Variants in SDK1 observed in about 807,000 individuals in gnomAD.
SDK1 encodes the protein sidekick cell adhesion molecule 1.
In SDK1, 157 loss-of-function variants were observed where a neutral mutation model predicts 245.5. The observed-to-expected ratio is 0.64, with a 90% CI of 0.56 to 0.73. SDK1 has a LOEUF of 0.73. Ranked by LOEUF, SDK1 falls within the 30% of genes least tolerant of loss-of-function variation. SDK1 has a pLI of 0.00. For synonymous variants in SDK1, 1,647 were observed against 1,278.5 expected, an observed-to-expected ratio of 1.29 and a Z score of -6.15; for missense variants, 3,583 against 3,002.3, an observed-to-expected ratio of 1.19 and a Z score of -4.52.
chr7:3,786,638 C>G (rs534286612), intron 4 of SDK1, among the ~76,000 whole-genome samples: 1 of 152,226 alleles, frequency 6.6e-6, no homozygotes, highest in South Asian at 2.1e-4. Context: ...ACAGTACAGC[C>G]TATTTGCCTT....
At chr7:4,221,190 A>T in intron 39 of SDK1, 49 bp from the exon 40 acceptor site, 1 of 1,604,598 alleles carries the variant, frequency 6.2e-7, no homozygotes, top group Non-Finnish European at 8.5e-7. Flanking sequence ...GTGGGATGTG[A>T]GCCCCGCAGG....
intron 5 of SDK1, among the ~76,000 whole-genome samples, chr7:3,880,674 T>C (rs1781187228): frequency 6.6e-6 from 1 of 151,436 alleles, no homozygotes; most frequent in South Asian, 2.1e-4. Context: ...CCGCTCTTAC[T>C]TGGTTTTCCC....
intron 1 of SDK1, among the ~76,000 whole-genome samples, chr7:3,470,321 C>T (rs1781140764): frequency 6.6e-6 from 1 of 152,158 alleles, no homozygotes; most frequent in Non-Finnish European, 1.5e-5. Flanking sequence ...GGATCTGATA[C>T]ACTGTGTGCC....
intron 4 of SDK1, among the ~76,000 whole-genome samples, chr7:3,794,430 G>T (rs1778912313): frequency 6.6e-6 from 1 of 152,182 alleles, no homozygotes; most frequent in African/African-American, 2.4e-5. Flanking sequence ...CTCTGAATCT[G>T]ATGTGGAAAC....
At chr7:3,550,542 C>T (rs550281035) in intron 1 of SDK1, among the ~76,000 whole-genome samples, 10 of 152,114 alleles carry the variant, frequency 6.6e-5, no homozygotes, top group Non-Finnish European at 1.2e-4. Context: ...CAGTGTGTGC[C>T]GTGGAATACT....
chr7:4,061,700 C>T (rs547152007), intron 19 of SDK1, among the ~76,000 whole-genome samples: 1 of 152,054 alleles, frequency 6.6e-6, no homozygotes, highest in African/African-American at 2.4e-5. Context: ...TATTGCTGCA[C>T]TATTCACAAT....
intron 1 of SDK1, among the ~76,000 whole-genome samples, chr7:3,465,570 A>C (rs1780973067): frequency 6.6e-6 from 1 of 152,086 alleles, no homozygotes; most frequent in Non-Finnish European, 1.5e-5. Context: ...CTAGGTTCAT[A>C]TACTGTTGGG....
chr7:4,230,929 C>T (rs1354861757), intron 40 of SDK1, among the ~76,000 whole-genome samples: 1 of 152,142 alleles, frequency 6.6e-6, no homozygotes, highest in African/African-American at 2.4e-5. Context: ...ACAGCAATCT[C>T]ATCTGATTCC....
intron 1 of SDK1, among the ~76,000 whole-genome samples, chr7:3,363,276 C>G (rs1781001458): frequency 6.6e-6 from 1 of 152,076 alleles, no homozygotes; most frequent in African/African-American, 2.4e-5. Flanking sequence ...GACGATTCAT[C>G]TAGATTGTTT....
intron 4 of SDK1, among the ~76,000 whole-genome samples, chr7:3,680,417 C>T (rs777351358): frequency 4.6e-5 from 7 of 152,048 alleles, no homozygotes; most frequent in African/African-American, 9.7e-5. Flanking sequence ...TGTATAAATG[C>T]GCACGTGATA....
intron 4 of SDK1, among the ~76,000 whole-genome samples, chr7:3,693,428 T>A (rs1054934397): frequency 2.6e-5 from 4 of 152,216 alleles, no homozygotes; most frequent in Non-Finnish European, 4.4e-5. Context: ...TTGATTCGAA[T>A]TACATTAAAA....
chr7:3,493,173 G>T (rs921190237), intron 1 of SDK1, among the ~76,000 whole-genome samples: 1 of 152,036 alleles, frequency 6.6e-6, no homozygotes, highest in Non-Finnish European at 1.5e-5. Flanking sequence ...GGATGGTCTC[G>T]ATCTCCTGAC....
intron 30 of SDK1, among the ~76,000 whole-genome samples, chr7:4,149,739 AGGGGTGATG>A (rs1780228699): frequency 6.6e-6 from 1 of 152,014 alleles, no homozygotes; most frequent in African/African-American, 2.4e-5. Context: ...TTGGCGAGGC[AGGGGTGATG>A]GGGGGCAGGC....
At chr7:3,643,546 C>A (rs888891602) in intron 4 of SDK1, 1 of 143,998 alleles carries the variant, frequency 6.9e-6, no homozygotes, top group Admixed American at 7.0e-5. Flanking sequence ...TCTCCACCCC[C>A]ACCTGAGCAT....
chr7:3,788,671 A>G (rs1780985830), intron 4 of SDK1, among the ~76,000 whole-genome samples: 2 of 152,240 alleles, frequency 1.3e-5, no homozygotes, highest in Non-Finnish European at 2.9e-5. Context: ...GTGCTAGGAA[A>G]AAAATCTCAT....
intron 25 of SDK1, among the ~76,000 whole-genome samples, chr7:4,116,089 C>T (rs944353763): frequency 3.9e-5 from 6 of 152,080 alleles, no homozygotes; most frequent in African/African-American, 1.4e-4. Flanking sequence ...GCCCAGGGCT[C>T]CCGGGCCTGG....
In SDK1 at chr7:3,676,487, A is replaced by G. The variant is rs530804108; in HGVS notation, c.713+34382A>G. Among the ~76,000 whole-genome samples, 73 of 151,908 alleles carry G rather than the reference A, an allele frequency of 4.8e-4. 1 individual carries two copies. The highest frequency in any genetic ancestry group is 2.5e-3 in the South Asian group (12 of 4,790). On this transcript the variant is annotated intron_variant, in intron 4 of 44. Transcript: ENST00000404826. The stretch of plus-strand genomic sequence containing the variant: ...ACTACAGGCGCCTGCCACCACGCCC[A>G]GCTAATTTTTTATATTGTTAGTAGA...
Position 4,174,334 on chromosome 7 carries a change from T to G in SDK1, c.4913T>G (p.Ile1638Arg), listed in dbSNP as rs1483341516. The G allele has an allele frequency of 8.1e-6, 13 of 1,613,716 alleles. No homozygotes were observed. In the Admixed American group the frequency reaches 2.2e-4, roughly 27 times the overall value. The stretch of plus-strand genomic sequence containing the variant: ...GAGGCCAAGACGCTCAAAAACCCTA[T>G]AGCTTTACATGCTGAGCTCACAGGT... Reference protein sequence around the residue: ...GTEAKTLKNPIALHAELTAQS... With the variant: ...GTEAKTLKNPRALHAELTAQS... Residue 1638 changes from isoleucine (I) to arginine (R), a missense_variant, in exon 33 of 45, where the codon ATA becomes AGA. Physicochemically the swap from Ile to Arg is moderately conservative, Grantham distance 97 (BLOSUM62 -3). Coordinates refer to ENST00000404826, the MANE Select transcript of SDK1 (RefSeq NM_152744.4).
At chr7:4,168,844 A>G (rs1781659247) in intron 32 of SDK1, among the ~76,000 whole-genome samples, 1 of 152,086 alleles carries the variant, frequency 6.6e-6, no homozygotes, top group African/African-American at 2.4e-5. Context: ...TCATGCTGAT[A>G]GTCAGTCCAG....
Sources: allele counts gnomAD v4.1 joint callset (sites outside exome capture counted in the v4.1 genomes callset), GRCh38; gene constraint gnomAD v4.1.1; transcripts MANE v1.5; gene names NCBI Gene and HGNC (gene_info 2026-07-23, HGNC 2026-07-21).